Variants in MYO6 observed in about 807,000 individuals in gnomAD.
MYO6 encodes unconventional myosin-VI.
In MYO6, 74 loss-of-function variants were observed where a neutral mutation model predicts 178.7. The ratio of observed to expected loss-of-function variants is 0.41; its 90% confidence interval spans 0.34 to 0.50. MYO6 has a LOEUF of 0.50. Ranked by LOEUF, MYO6 falls within the 20% of genes least tolerant of loss-of-function variation. The probability of loss-of-function intolerance (pLI) is 0.09; values close to 1 mark genes in which losing one functional copy is unlikely to be tolerated. For missense variants in MYO6, 1,330 were observed against 1,547.4 expected, an observed-to-expected ratio of 0.86 and a Z score of 2.36; for synonymous variants, 477 against 504.6, an observed-to-expected ratio of 0.95 and a Z score of 0.73.
intron 1 of MYO6, among the ~76,000 whole-genome samples, chr6:75,767,107 C>T (rs1222594089): frequency 6.6e-6 from 1 of 152,082 alleles, no homozygotes; most frequent in Non-Finnish European, 1.5e-5. Context: ...CTCACTGCCA[C>T]CTCTGCCTCC....
At chr6:75,784,776 CAAA>C (rs754218278) in intron 1 of MYO6, among the ~76,000 whole-genome samples, 3 of 54,406 alleles carry the variant, frequency 5.5e-5, no homozygotes, top group Non-Finnish European at 7.8e-5. Context: ...GACTCCGTCT[CAAA>C]AAAAAAAAAA....
At chr6:75,764,542 G>A (rs74470246) in intron 1 of MYO6, among the ~76,000 whole-genome samples, 1 of 152,160 alleles carries the variant, frequency 6.6e-6, no homozygotes, top group African/African-American at 2.4e-5. Flanking sequence ...TTTCATTCTT[G>A]TCTACTCTAC....
chr6:75,764,213 A>C (rs910021159), intron 1 of MYO6, among the ~76,000 whole-genome samples: 2 of 152,088 alleles, frequency 1.3e-5, no homozygotes, highest in African/African-American at 4.8e-5. Flanking sequence ...CCTGGTCTCT[A>C]AATTCTTACT....
At chr6:75,777,488 C>T (rs1241552379) in intron 1 of MYO6, among the ~76,000 whole-genome samples, 4 of 151,500 alleles carry the variant, frequency 2.6e-5, no homozygotes, top group East Asian at 1.9e-4. Flanking sequence ...AGTGCAGTGG[C>T]GCAATTTCAG....
chr6:75,884,168 C>A (rs1319120649), intron 23 of MYO6, among the ~76,000 whole-genome samples: 1 of 152,092 alleles, frequency 6.6e-6, no homozygotes, highest in Non-Finnish European at 1.5e-5. Context: ...GGGCAGGGAT[C>A]TTTGCAGAAT....
chr6:75,862,384 C>G (rs1199833837), intron 15 of MYO6, among the ~76,000 whole-genome samples: 1 of 152,096 alleles, frequency 6.6e-6, no homozygotes, highest in African/African-American at 2.4e-5. Context: ...TTTCTAAAAC[C>G]TATATTAAAT....
intron 27 of MYO6, among the ~76,000 whole-genome samples, chr6:75,891,748 A>C (rs752367215): frequency 3.9e-5 from 6 of 152,248 alleles, no homozygotes; most frequent in Non-Finnish European, 7.3e-5. Context: ...ACCAAAGGCC[A>C]GTTTTTGAAG....
intron 1 of MYO6, among the ~76,000 whole-genome samples, chr6:75,812,256 G>C (rs1188282953): frequency 6.6e-6 from 1 of 152,022 alleles, no homozygotes; most frequent in Non-Finnish European, 1.5e-5. Context: ...GAGCTCCTAG[G>C]ATCAAGTGAT....
chr6:75,835,534 C>A (rs1051876017), intron 6 of MYO6, among the ~76,000 whole-genome samples: 1 of 152,044 alleles, frequency 6.6e-6, no homozygotes, highest in Non-Finnish European at 1.5e-5. Context: ...CAGGTTCAAG[C>A]GATTCTCCTG....
chr6:75,763,877 A>G (rs1215138250), intron 1 of MYO6, among the ~76,000 whole-genome samples: 2 of 152,190 alleles, frequency 1.3e-5, no homozygotes, highest in Non-Finnish European at 2.9e-5. Flanking sequence ...CTGTAACACC[A>G]GGTAAAATAC....
At chr6:75,789,927 T>C (rs1385128661) in intron 1 of MYO6, among the ~76,000 whole-genome samples, 1 of 152,224 alleles carries the variant, frequency 6.6e-6, no homozygotes, top group Non-Finnish European at 1.5e-5. Context: ...AGCACTATTC[T>C]ACTCTCTACT....
intron 1 of MYO6, among the ~76,000 whole-genome samples, chr6:75,774,241 A>G (rs72888782): frequency 0.15 from 22,812 of 152,154 alleles, 2,773 homozygotes; most frequent in African/African-American, 0.34. Context: ...ACTTATTTTT[A>G]CATAATAAAA....
At chr6:75,895,478 C>A (rs554526099) in intron 29 of MYO6, among the ~76,000 whole-genome samples, 4 of 151,398 alleles carry the variant, frequency 2.6e-5, no homozygotes, top group African/African-American at 9.7e-5. Flanking sequence ...TCTGTTTAAA[C>A]TATAATGTAA....
chr6:75,818,433 A>G (rs555386900), intron 2 of MYO6, among the ~76,000 whole-genome samples: 3 of 152,116 alleles, frequency 2.0e-5, no homozygotes, highest in African/African-American at 7.2e-5. Context: ...CAATTGGTTT[A>G]TTTTTCAACT....
rs61398235 is a variant in MYO6 at position 75,854,275 on chromosome 6, C to CT, written c.1079-832dup. 6.4e-3 allele frequency among the ~76,000 whole-genome samples: 289 copies of CT among 45,476 alleles called. 24 individuals are homozygous for CT. Among genetic ancestry groups the CT allele is most frequent in the African/African-American group, 0.027 (242 of 9,078 alleles). The allele number at this position is 45,476 out of a possible 152,430, so 29.8% of individuals were successfully genotyped here. On this transcript the variant is annotated intron_variant, in intron 11 of 34. Transcript: ENST00000369977. ...CATGGGTCAAGACCTAACTGCATTG[C>CT]TTTTTTTTTTTTTTTTTTTTTTTTT... is the stretch of plus-strand genomic sequence containing the variant.
intron 31 of MYO6, 78 bp downstream of exon 31, chr6:75,907,786 G>A (rs1482470335): frequency 4.8e-6 from 4 of 841,686 alleles, no homozygotes; most frequent in African/African-American, 1.8e-5. Context: ...GGTGAGGTGT[G>A]TGTGTGTATG....
At chr6:75,874,312 A>G (rs1223516770) in intron 20 of MYO6, among the ~76,000 whole-genome samples, 2 of 152,230 alleles carry the variant, frequency 1.3e-5, no homozygotes, top group African/African-American at 4.8e-5. Flanking sequence ...CAGGGTTGGT[A>G]GACAAGACAG....
intron 2 of MYO6, among the ~76,000 whole-genome samples, chr6:75,819,079 C>G (rs1171170032): frequency 6.6e-6 from 1 of 152,076 alleles, no homozygotes; most frequent in Non-Finnish European, 1.5e-5. Flanking sequence ...AGTGGATATA[C>G]TTTTTCATAT....
intron 1 of MYO6, among the ~76,000 whole-genome samples, chr6:75,779,926 TTA>T (rs1197011160): frequency 6.6e-6 from 1 of 152,212 alleles, no homozygotes. Context: ...AAGCCTGTTT[TTA>T]TGTGTCCTTA....
Sources: gnomAD v4.1 joint callset for allele counts (sites outside exome capture counted in the v4.1 genomes callset) on GRCh38, gnomAD v4.1.1 for gene constraint, MANE v1.5 for transcripts, NCBI Gene and HGNC (gene_info 2026-07-23, HGNC 2026-07-21) for gene names.